AIG1: variants seen among roughly 807,000 people sequenced by gnomAD.
The protein encoded by AIG1 is androgen induced 1, also known as androgen-induced gene 1 protein.
In AIG1, 23 loss-of-function variants were observed where a neutral mutation model predicts 31.4. The ratio of observed to expected loss-of-function variants is 0.73; its 90% confidence interval spans 0.53 to 1.04. AIG1 has a LOEUF of 1.04. Ranked by LOEUF, AIG1 falls within the 50% of genes least tolerant of loss-of-function variation. The probability of loss-of-function intolerance (pLI) is 0.00; values close to 1 mark genes in which losing one functional copy is unlikely to be tolerated. For synonymous variants in AIG1, 100 were observed against 110.5 expected, an observed-to-expected ratio of 0.90 and a Z score of 0.60; for missense variants, 274 against 295.0, an observed-to-expected ratio of 0.93 and a Z score of 0.52.
intron 3 of AIG1, among the ~76,000 whole-genome samples, chr6:143,170,627 T>C (rs1787415172): frequency 6.6e-6 from 1 of 151,854 alleles, no homozygotes; most frequent in South Asian, 2.1e-4. Context: ...TTTTTGTCTC[T>C]ATTTCAATTC....
At chr6:143,074,339 A>G (rs1159300098) in intron 1 of AIG1, among the ~76,000 whole-genome samples, 4 of 152,192 alleles carry the variant, frequency 2.6e-5, no homozygotes, top group Non-Finnish European at 4.4e-5. Flanking sequence ...TCTGGGAACT[A>G]TTCCCGTGTA....
intron 1 of AIG1, among the ~76,000 whole-genome samples, chr6:143,103,010 G>T (rs1455496144): frequency 6.6e-6 from 1 of 152,142 alleles, no homozygotes; most frequent in African/African-American, 2.4e-5. Flanking sequence ...ATCATTACTA[G>T]AGAATCTGTT....
intron 3 of AIG1, among the ~76,000 whole-genome samples, chr6:143,261,020 C>G (rs1795737092): frequency 6.6e-6 from 1 of 152,300 alleles, no homozygotes; most frequent in African/African-American, 2.4e-5. Context: ...AGTAAGGAGA[C>G]TCCCAGAGTT....
chr6:143,061,482 C>G (rs1267849434), intron 1 of AIG1: 1 of 349,176 alleles, frequency 2.9e-6, no homozygotes, highest in Non-Finnish European at 5.7e-6. Flanking sequence ...GTGGGATGAA[C>G]TTGTTGCAAC....
chr6:143,339,002 G>T (rs1777713629), intron 5 of AIG1: 1 of 152,066 alleles, frequency 6.6e-6, no homozygotes, highest in South Asian at 2.1e-4. Flanking sequence ...ACAGACAACA[G>T]GCAAAGGTTC....
chr6:143,129,295 A>C (rs1033811118), intron 1 of AIG1, among the ~76,000 whole-genome samples: 2 of 152,214 alleles, frequency 1.3e-5, no homozygotes, highest in Non-Finnish European at 2.9e-5. Flanking sequence ...CGTCTCAAAA[A>C]AAATAAAAAA....
intron 3 of AIG1, among the ~76,000 whole-genome samples, chr6:143,194,322 T>A (rs1790044698): frequency 6.6e-6 from 1 of 152,080 alleles, no homozygotes; most frequent in African/African-American, 2.4e-5. Context: ...GAGAACTCAC[T>A]CACTATCACG....
intron 2 of AIG1, among the ~76,000 whole-genome samples, chr6:143,143,528 A>AAAAAAATATAT (rs1554249782): frequency 3.6e-5 from 1 of 27,784 alleles, no homozygotes; most frequent in Non-Finnish European, 7.9e-5. Context: ...AAAAAAAAAA[A>AAAAAAATATAT]ATATATATAT....
intron 3 of AIG1, among the ~76,000 whole-genome samples, chr6:143,183,808 G>A (rs972404395): frequency 6.6e-5 from 10 of 152,010 alleles, no homozygotes; most frequent in Non-Finnish European, 1.3e-4. Context: ...TTGCCCTTAG[G>A]TCTTTATGTT....
At chr6:143,086,040 G>A (rs1220693803) in intron 1 of AIG1, among the ~76,000 whole-genome samples, 1 of 152,214 alleles carries the variant, frequency 6.6e-6, no homozygotes, top group Non-Finnish European at 1.5e-5. Flanking sequence ...GTTCTGAACT[G>A]GTGAGGTGTG....
At chr6:143,092,783 C>T (rs1018544724) in intron 1 of AIG1, among the ~76,000 whole-genome samples, 1 of 152,132 alleles carries the variant, frequency 6.6e-6, no homozygotes, top group Non-Finnish European at 1.5e-5. Context: ...GGTGCAGTGG[C>T]TTGTGGCTGT....
intron 1 of AIG1, among the ~76,000 whole-genome samples, chr6:143,063,502 A>G (rs1776437298): frequency 6.6e-6 from 1 of 152,200 alleles, no homozygotes; most frequent in African/African-American, 2.4e-5. Context: ...CTTAGAGCTT[A>G]AGCATTGTAC....
At chr6:143,230,435 A>C (rs1793355575) in intron 3 of AIG1, among the ~76,000 whole-genome samples, 2 of 149,952 alleles carry the variant, frequency 1.3e-5, no homozygotes, top group South Asian at 4.2e-4. Context: ...TTACCTGTTA[A>C]ATGATAATAT....
chr6:143,335,080 C>T, intron 5 of AIG1: 1 of 1,453,724 alleles, frequency 6.9e-7, no homozygotes. Flanking sequence ...GTACCTAGGA[C>T]CATCTAGTTA....
intron 3 of AIG1, among the ~76,000 whole-genome samples, chr6:143,261,492 G>A (rs1193469279): frequency 6.6e-6 from 1 of 152,212 alleles, no homozygotes; most frequent in Non-Finnish European, 1.5e-5. Context: ...TGGGGGAGGT[G>A]TGTGAATACT....
intron 5 of AIG1, among the ~76,000 whole-genome samples, chr6:143,336,009 G>A (rs74656376): frequency 2.6e-5 from 4 of 151,216 alleles, no homozygotes; most frequent in Non-Finnish European, 4.4e-5. Context: ...CACTTTAGAT[G>A]ACTAACTTTC....
At chr6:143,277,207 C>G (rs1366520654) in intron 3 of AIG1, among the ~76,000 whole-genome samples, 1 of 152,062 alleles carries the variant, frequency 6.6e-6, no homozygotes, top group Admixed American at 6.6e-5. Flanking sequence ...TTTTAATACC[C>G]TTTTGTTCTA....
rs559508142 is a variant in AIG1 at position 143,264,282 on chromosome 6, A to G, written c.400-19828A>G. On this transcript the variant is annotated intron_variant, in intron 3 of 5. Coordinates refer to ENST00000357847, the MANE Select transcript of AIG1 (RefSeq NM_016108.4). ...TGCTTATCCTTATTCGCTCCTGCTCACTTTTCCTCCCTCAAAGTTATTTTT... is the reference window on the plus strand; with the variant it reads ...TGCTTATCCTTATTCGCTCCTGCTCGCTTTTCCTCCCTCAAAGTTATTTTT... Among the ~76,000 whole-genome samples the G allele has an allele frequency of 3.2e-3, 491 of 152,132 alleles. 1 individual carries two copies. Among genetic ancestry groups the G allele is most frequent in the Non-Finnish European group, 5.7e-3 (388 of 67,992 alleles).
At chr6:143,315,159 C>G (rs932201094) in intron 4 of AIG1, among the ~76,000 whole-genome samples, 44 of 151,688 alleles carry the variant, frequency 2.9e-4, no homozygotes, top group African/African-American at 9.2e-4. Context: ...TAAAGCAATG[C>G]GAAAATAATA....
Sources: allele counts gnomAD v4.1 joint callset (sites outside exome capture counted in the v4.1 genomes callset), GRCh38; gene constraint gnomAD v4.1.1; transcripts MANE v1.5; gene names NCBI Gene and HGNC (gene_info 2026-07-23, HGNC 2026-07-21).